CFAP77: variants seen among roughly 807,000 people sequenced by gnomAD.
CFAP77 encodes cilia and flagella associated protein 77.
Under a neutral mutation model 31.1 loss-of-function variants are expected in CFAP77, and 25 were observed. That is an observed-to-expected ratio of 0.80 (90% CI 0.59 to 1.12). The LOEUF (loss-of-function observed/expected upper bound fraction) is 1.12, where lower values mean the gene tolerates loss of function less well. Among genes scored for constraint, CFAP77 ranks in the 50% most tolerant of loss-of-function variants. CFAP77 has a pLI of 0.00. For missense variants in CFAP77, 377 were observed against 397.3 expected, an observed-to-expected ratio of 0.95 and a Z score of 0.44; for synonymous variants, 151 against 159.9, an observed-to-expected ratio of 0.94 and a Z score of 0.42.
chr9:132,535,816 GT>G (rs1159686777), intron 3 of CFAP77, among the ~76,000 whole-genome samples: 3 of 152,076 alleles, frequency 2.0e-5, no homozygotes, highest in Admixed American at 2.0e-4. Context: ...GCTTTCTCCT[GT>G]TGTTATTTGG....
intron 1 of CFAP77, among the ~76,000 whole-genome samples, chr9:132,440,636 G>A (rs1222941600): frequency 6.6e-6 from 1 of 152,116 alleles, no homozygotes; most frequent in Non-Finnish European, 1.5e-5. Context: ...CCATTGACTA[G>A]CTATTGACAA....
intron 5 of CFAP77, among the ~76,000 whole-genome samples, chr9:132,562,180 A>G (rs942426246): frequency 6.6e-6 from 1 of 152,228 alleles, no homozygotes. Flanking sequence ...TAAAACAGTT[A>G]TCCTTTCTAA....
intron 1 of CFAP77, among the ~76,000 whole-genome samples, chr9:132,437,228 G>A (rs1850517933): frequency 6.6e-6 from 1 of 152,188 alleles, no homozygotes; most frequent in African/African-American, 2.4e-5. Flanking sequence ...TTGAGCTGTT[G>A]ATACACTGTG....
intron 5 of CFAP77, among the ~76,000 whole-genome samples, chr9:132,556,236 TA>T (rs1401571343): frequency 2.0e-5 from 3 of 152,154 alleles, no homozygotes; most frequent in Non-Finnish European, 4.4e-5. Context: ...GTCCCTTCAC[TA>T]ACTTCTTCTT....
chr9:132,473,952 G>A (rs1320665487), intron 1 of CFAP77, among the ~76,000 whole-genome samples: 1 of 152,138 alleles, frequency 6.6e-6, no homozygotes, highest in Non-Finnish European at 1.5e-5. Context: ...CAAAGTGCTG[G>A]GGTTACAGGC....
At chr9:132,538,443 A>G (rs1410946125) in intron 4 of CFAP77, among the ~76,000 whole-genome samples, 2 of 152,246 alleles carry the variant, frequency 1.3e-5, no homozygotes, top group East Asian at 3.8e-4. Context: ...GTTTTTTAGC[A>G]GGAAGGAAAA....
chr9:132,533,032 C>T (rs922738218), intron 3 of CFAP77, among the ~76,000 whole-genome samples: 4 of 152,214 alleles, frequency 2.6e-5, no homozygotes, highest in African/African-American at 4.8e-5. Flanking sequence ...ATCGCCTGCA[C>T]CTTCATGGGA....
chr9:132,475,564 C>T (rs1390539403), intron 1 of CFAP77, among the ~76,000 whole-genome samples: 2 of 152,134 alleles, frequency 1.3e-5, no homozygotes, highest in Admixed American at 6.5e-5. Context: ...GGTAAATCCA[C>T]AGGAGTTAGG....
intron 3 of CFAP77, among the ~76,000 whole-genome samples, chr9:132,524,803 C>T (rs913806071): frequency 6.7e-6 from 1 of 149,462 alleles, no homozygotes; most frequent in East Asian, 2.0e-4. Flanking sequence ...CGCCCGCCAC[C>T]ACGCCCAGCT....
intron 1 of CFAP77, among the ~76,000 whole-genome samples, chr9:132,427,052 A>G (rs1047453879): frequency 6.6e-6 from 1 of 152,194 alleles, no homozygotes; most frequent in African/African-American, 2.4e-5. Flanking sequence ...CTGCCTAATA[A>G]TAGGATGAAT....
intron 1 of CFAP77, among the ~76,000 whole-genome samples, chr9:132,431,010 G>A (rs1357283621): frequency 6.6e-6 from 1 of 152,240 alleles, no homozygotes; most frequent in Non-Finnish European, 1.5e-5. Flanking sequence ...TAGTCAACCT[G>A]TGGTTGAAGA....
chr9:132,433,550 ATT>A (rs34728456), intron 1 of CFAP77, among the ~76,000 whole-genome samples: 17,756 of 142,198 alleles, frequency 0.12, 1,204 homozygotes, highest in East Asian at 0.3. Flanking sequence ...CTATTCATTC[ATT>A]TTTTTTTTTT....
At position 132,517,099 on chromosome 9, in the gene CFAP77, A is replaced by G. The variant is rs113552042; in HGVS notation, c.524+17499A>G. 0.013 allele frequency among the ~76,000 whole-genome samples: 1,908 copies of G among 152,118 alleles called. 38 individuals carry two copies. Among genetic ancestry groups the G allele is most frequent in the African/African-American group, 0.043 (1,801 of 41,478 alleles). On this transcript the variant is annotated intron_variant, in intron 3 of 5. Transcript: ENST00000393216. The surrounding 1 kb of genome is among the most constrained non-coding windows in gnomAD (Gnocchi z 4.7). ...AGGGTGGATCTCCCTAGACGGCTCC[A>G]CTTCTGGGTGTCCCTCATGGATCGG...
chr9:132,412,917 T>G (rs1411011862), intron 1 of CFAP77, among the ~76,000 whole-genome samples: 1 of 152,130 alleles, frequency 6.6e-6, no homozygotes, highest in Non-Finnish European at 1.5e-5. Context: ...CCATCATAGA[T>G]TTTCAGCTCC....
intron 1 of CFAP77, among the ~76,000 whole-genome samples, chr9:132,491,059 G>A (rs563433250): frequency 3.3e-5 from 5 of 152,094 alleles, no homozygotes; most frequent in African/African-American, 1.2e-4. Flanking sequence ...CCTGTCCAGG[G>A]TCGGTGCCTG....
chr9:132,456,318 C>T (rs1010147838), intron 1 of CFAP77, among the ~76,000 whole-genome samples: 2 of 152,220 alleles, frequency 1.3e-5, no homozygotes, highest in Admixed American at 6.5e-5. Flanking sequence ...CTGCCCCTCT[C>T]CCAGCCTCAT....
chr9:132,477,130 G>A (rs1851358235), intron 1 of CFAP77, among the ~76,000 whole-genome samples: 1 of 152,160 alleles, frequency 6.6e-6, no homozygotes. Flanking sequence ...TCAGAAGCCT[G>A]GGAGGCACCA....
At chr9:132,566,173 A>AG (rs1829881468) in intron 5 of CFAP77, among the ~76,000 whole-genome samples, 3 of 152,066 alleles carry the variant, frequency 2.0e-5, no homozygotes, top group East Asian at 3.9e-4. Flanking sequence ...CTGCTTGGAG[A>AG]GGGGGGAGCG....
intron 5 of CFAP77, among the ~76,000 whole-genome samples, chr9:132,548,960 C>T (rs1014860357): frequency 6.6e-6 from 1 of 152,156 alleles, no homozygotes; most frequent in Non-Finnish European, 1.5e-5. Flanking sequence ...AACCCTGCTT[C>T]GGGTCTCCTG....
Sources: gnomAD v4.1 joint callset for allele counts (sites outside exome capture counted in the v4.1 genomes callset) on GRCh38, gnomAD v4.1.1 for gene constraint, Gnocchi (gnomAD v3.1) non-coding constraint, MANE v1.5 for transcripts, NCBI Gene and HGNC (gene_info 2026-07-23, HGNC 2026-07-21) for gene names.